The following ABHD18 variants were observed in gnomAD, a reference collection of about 807,000 sequenced individuals.
ABHD18 encodes abhydrolase domain containing 18, also known as cardiolipin-specific deacylase, mitochondrial.
Under a neutral mutation model 65.9 loss-of-function variants are expected in ABHD18, and 55 were observed. That is an observed-to-expected ratio of 0.84 (90% confidence interval 0.67 to 1.05). The LOEUF (loss-of-function observed/expected upper bound fraction) is 1.05, where lower values mean the gene tolerates loss of function less well. ABHD18 is among the 50% of genes least tolerant of loss of function. The pLI is 0.00. For missense variants in ABHD18, 533 were observed against 558.5 expected, an observed-to-expected ratio of 0.95 and a Z score of 0.46; for synonymous variants, 181 against 180.2, an observed-to-expected ratio of 1.00 and a Z score of -0.04.
chr4:128,015,818 C>A (rs1755380291), intron 7 of ABHD18, among the ~76,000 whole-genome samples: 1 of 152,020 alleles, frequency 6.6e-6, no homozygotes, highest in Non-Finnish European at 1.5e-5. Context: ...ATTCAATAAC[C>A]AGTTACATGT....
intron 4 of ABHD18, among the ~76,000 whole-genome samples, chr4:127,992,587 A>C (rs1175713215): frequency 1.3e-5 from 2 of 152,266 alleles, no homozygotes; most frequent in East Asian, 3.9e-4. Context: ...CAATCAGGCT[A>C]GGGTGCAGTG....
In ABHD18 at chr4:128,035,778, G is replaced by A. The variant is rs762964878; in HGVS notation, c.1360G>A (p.Ala454Thr). The A allele has an allele frequency of 7.2e-6, 11 of 1,535,972 alleles. No homozygotes were observed. The highest frequency in any genetic ancestry group is 9.7e-6 in the Non-Finnish European group (11 of 1,136,388). Reference sequence around the variant, plus strand: ...TAATTTTAGACAAGCCATCTATGATGCATTTGACCGCTTCCTCCATAAATA... The same window carrying A: ...TAATTTTAGACAAGCCATCTATGATACATTTGACCGCTTCCTCCATAAATA... ...QGLFRQAIYD[A>T]FDRFLHKYAN The change falls in exon 13 of 13, where the codon GCA becomes ACA. Residue 454 changes from alanine to threonine, a missense_variant. By Grantham distance (58) the Ala-to-Thr change is moderately conservative. Around this residue, in one of 3 missense-constraint regions of ABHD18, gnomAD observed 220 missense variants for 226.8 expected, o/e 0.97. Transcript: ENST00000645843.
chr4:128,038,901 ACT>A lies in ABHD18; in HGVS notation c.*3091_*3092del, dbSNP rs1276356614. 3 of 151,754 alleles carry A rather than the reference ACT, an allele frequency of 2.0e-5. No homozygotes were observed. The highest frequency in any genetic ancestry group is 7.3e-5 in the African/African-American group (3 of 41,304). The allele number at this position is 151,754 out of a possible 1,614,324, so 9.4% of individuals were successfully genotyped here. On this transcript the variant is annotated 3_prime_UTR_variant, in exon 13 of 13. Transcript: ENST00000645843. ...CTCCAGCCTGGGCAACAAGAGCAAA[ACT>A]CTGTCTCAAAAAATATATATATATC...
intron 4 of ABHD18, among the ~76,000 whole-genome samples, chr4:127,996,556 C>T (rs958080825): frequency 1.3e-5 from 2 of 152,202 alleles, no homozygotes; most frequent in Non-Finnish European, 2.9e-5. Context: ...CTATGTCCCG[C>T]TGTACATGCA....
chr4:127,970,743 A>G (rs1300134952), intron 1 of ABHD18, among the ~76,000 whole-genome samples: 1 of 151,900 alleles, frequency 6.6e-6, no homozygotes, highest in African/African-American at 2.4e-5. Flanking sequence ...GGAGTTCGAG[A>G]CTAGCCTGGT....
chr4:128,035,069 C>T (rs1758727384), intron 12 of ABHD18, among the ~76,000 whole-genome samples: 2 of 152,170 alleles, frequency 1.3e-5, no homozygotes, highest in African/African-American at 2.4e-5. Flanking sequence ...ACATCTATAT[C>T]ATAATCTGTG....
In ABHD18 at chr4:127,977,655, T is replaced by C. The variant is rs1051117183; in HGVS notation, c.-17-5284T>C. Among the ~76,000 whole-genome samples the C allele has an allele frequency of 7.2e-5, 11 of 152,328 alleles. No homozygotes were observed. In the South Asian group the frequency reaches 2.3e-3, roughly 32 times the overall value. On this transcript the variant is annotated intron_variant, in intron 1 of 12. Transcript: ENST00000645843. The stretch of plus-strand genomic sequence containing the variant: ...CTTTGAAGAAATTAGAGGAGTGGCA[T>C]AGTATAGTAGAAAGATGCATATTGC...
At chr4:128,016,459 A>C (rs890271710) in intron 7 of ABHD18, among the ~76,000 whole-genome samples, 3 of 152,114 alleles carry the variant, frequency 2.0e-5, no homozygotes, top group African/African-American at 7.2e-5. Context: ...TAAATTCTTT[A>C]TTTATATTGC....
chr4:128,031,615 C>A (rs762930275), intron 12 of ABHD18, among the ~76,000 whole-genome samples: 12 of 152,076 alleles, frequency 7.9e-5, no homozygotes, highest in Non-Finnish European at 1.6e-4. Flanking sequence ...TTAAAAAAAA[C>A]TTCCAACTGG....
At chr4:127,995,905 G>C (rs987388182) in intron 4 of ABHD18, among the ~76,000 whole-genome samples, 6 of 152,162 alleles carry the variant, frequency 3.9e-5, no homozygotes, top group African/African-American at 1.4e-4. Context: ...TTCTTTGTAG[G>C]TACTGGTAAT....
At chr4:127,969,957 A>G (rs1299994169) in intron 1 of ABHD18, among the ~76,000 whole-genome samples, 2 of 152,006 alleles carry the variant, frequency 1.3e-5, no homozygotes, top group African/African-American at 2.4e-5. Flanking sequence ...TTGTGTTGCC[A>G]GGGCTTGTCT....
chr4:127,984,623 G>A (rs201365998), intron 3 of ABHD18, among the ~76,000 whole-genome samples, 200 bp downstream of exon 3: 1 of 152,040 alleles, frequency 6.6e-6, no homozygotes, highest in African/African-American at 2.4e-5. Flanking sequence ...TTTGGGAGGC[G>A]GAGGCGGGTG....
Position 128,007,974 on chromosome 4 carries a change from T to A in ABHD18, c.279-946T>A, listed in dbSNP as rs77268616. 5.2e-3 allele frequency among the ~76,000 whole-genome samples: 786 copies of A among 151,694 alleles called. 8 individuals are homozygous for A. The highest frequency in any genetic ancestry group is 0.018 in the African/African-American group (758 of 41,392). On this transcript the variant is annotated intron_variant, in intron 4 of 12. Coordinates refer to ENST00000645843, the MANE Select transcript of ABHD18 (RefSeq NM_001358451.3). ...AGTCGGAGCTATATCTAAAGAGTTA[T>A]TTCTTTTGGCTAGGCATGGTGGCTC...
chr4:128,031,832 T>G (rs1322452777), intron 12 of ABHD18, among the ~76,000 whole-genome samples: 1 of 152,204 alleles, frequency 6.6e-6, no homozygotes, highest in Non-Finnish European at 1.5e-5. Flanking sequence ...TTAAGAAGTA[T>G]TCATGCAGCA....
At chr4:128,015,438 G>A (rs1020929625) in intron 7 of ABHD18, among the ~76,000 whole-genome samples, 1 of 152,238 alleles carries the variant, frequency 6.6e-6, no homozygotes, top group South Asian at 2.1e-4. Flanking sequence ...GCAATCTGGG[G>A]GACCTGAGAA....
At chr4:127,965,982 T>TG (rs1745224565) in intron 1 of ABHD18, 1 of 152,292 alleles carries the variant, frequency 6.6e-6, no homozygotes, top group Non-Finnish European at 1.5e-5. Flanking sequence ...CAACGGCGCC[T>TG]GCGCCTACGG....
chr4:127,987,327 T>A (rs1750141485), intron 3 of ABHD18, among the ~76,000 whole-genome samples: 1 of 152,012 alleles, frequency 6.6e-6, no homozygotes, highest in Non-Finnish European at 1.5e-5. Flanking sequence ...ACTCCAGTCT[T>A]GGCAACAGAG....
chr4:128,021,832 G>C (rs2149169709), intron 10 of ABHD18, among the ~76,000 whole-genome samples: 1 of 152,090 alleles, frequency 6.6e-6, no homozygotes, highest in African/African-American at 2.4e-5. Flanking sequence ...TAATCACAAG[G>C]CCTTCCTCCC....
chr4:127,977,190 A>T (rs1748096301), intron 1 of ABHD18, among the ~76,000 whole-genome samples: 1 of 151,566 alleles, frequency 6.6e-6, no homozygotes, highest in Non-Finnish European at 1.5e-5. Context: ...AAAAAAAAAC[A>T]AGCTGGGCGT....
Sources: gnomAD v4.1 joint callset for allele counts (sites outside exome capture counted in the v4.1 genomes callset) on GRCh38, gnomAD v4.1.1 for gene constraint, gnomAD v4.1.1 regional missense constraint, MANE v1.5 for transcripts, NCBI Gene and HGNC (gene_info 2026-07-23, HGNC 2026-07-21) for gene names.